PCDH15: variants seen among roughly 807,000 people sequenced by gnomAD.
PCDH15 encodes the protein protocadherin-15.
In PCDH15, 129 loss-of-function variants were observed where a neutral mutation model predicts 178.5. That is an observed-to-expected ratio of 0.72 (90% CI 0.63 to 0.84). The LOEUF is 0.84. Ranked by LOEUF, PCDH15 falls within the 40% of genes least tolerant of loss-of-function variation. The probability of loss-of-function intolerance (pLI) is 0.00; values close to 1 mark genes in which losing one functional copy is unlikely to be tolerated. For missense variants in PCDH15, 2,230 were observed against 2,099.9 expected, an observed-to-expected ratio of 1.06 and a Z score of -1.21; for synonymous variants, 800 against 732.0, an observed-to-expected ratio of 1.09 and a Z score of -1.50.
At chr10:54,173,254 T>A (rs1342757597) in intron 13 of PCDH15, among the ~76,000 whole-genome samples, 1 of 152,216 alleles carries the variant, frequency 6.6e-6, no homozygotes, top group African/African-American at 2.4e-5. Context: ...GTCTAGTAAT[T>A]ACTTAAGGTC....
chr10:55,037,476 C>T lies in PCDH15; in HGVS notation c.-80+129100G>A, dbSNP rs1840766508. Among the ~76,000 whole-genome samples the T allele has an allele frequency of 3.3e-5, 5 of 152,158 alleles. No individual in the cohort carries two copies. The South Asian group carries it at 1.0e-3, about 31-fold the overall frequency. On this transcript the variant is annotated intron_variant, in intron 2 of 5. Coordinates refer to the PCDH15 transcript ENST00000458638. The stretch of plus-strand genomic sequence containing the variant: ...CTCGAACTGCTGACCTCGTGATGCG[C>T]CCATCTCGGACTCCCAAAGTGTTGA...
intron 3 of PCDH15, among the ~76,000 whole-genome samples, chr10:54,826,971 T>C (rs994177239): frequency 2.6e-5 from 4 of 152,060 alleles, no homozygotes; most frequent in Non-Finnish European, 5.9e-5. Flanking sequence ...AGTTGTCTAT[T>C]GAGATGAGAC....
chr10:54,248,434 A>G lies in PCDH15; in HGVS notation c.877-11503T>C, dbSNP rs563881838. ...TAAGACATATCATACTTTTATATCC[A>G]ATAATAAATTCATTCCCTACATTTT... is the stretch of plus-strand genomic sequence containing the variant. On this transcript the variant is annotated intron_variant, in intron 8 of 37. Transcript: ENST00000644397. 1.9e-4 allele frequency among the ~76,000 whole-genome samples: 29 copies of G among 152,136 alleles called. No homozygotes were observed. In the South Asian group the frequency reaches 6.0e-3, roughly 32 times the overall value.
chr10:54,840,037 C>T (rs1953390695), intron 3 of PCDH15, among the ~76,000 whole-genome samples: 1 of 151,990 alleles, frequency 6.6e-6, no homozygotes, highest in South Asian at 2.1e-4. Flanking sequence ...ATTGTACTTG[C>T]CTTATAATAA....
chr10:55,240,971 T>C (rs970482903), intron 1 of PCDH15, among the ~76,000 whole-genome samples: 26 of 152,070 alleles, frequency 1.7e-4, no homozygotes, highest in Non-Finnish European at 3.4e-4. Context: ...AATCCCAGCA[T>C]TTTGGGAGGC....
At chr10:54,690,771 A>G (rs541718419) in intron 1 of PCDH15, among the ~76,000 whole-genome samples, 3 of 152,224 alleles carry the variant, frequency 2.0e-5, no homozygotes, top group Admixed American at 6.5e-5. Flanking sequence ...AATATCATTC[A>G]CCAACTTTTA....
intron 2 of PCDH15, among the ~76,000 whole-genome samples, chr10:55,499,746 A>G (rs948115350): frequency 1.3e-5 from 2 of 151,794 alleles, no homozygotes; most frequent in South Asian, 4.1e-4. Context: ...AAGTTAAAAT[A>G]AAACTCTTCT....
intron 3 of PCDH15, among the ~76,000 whole-genome samples, chr10:54,836,601 TATAA>T (rs1437604068): frequency 2.0e-5 from 3 of 152,082 alleles, no homozygotes; most frequent in African/African-American, 4.8e-5. Flanking sequence ...TTGAAAAAGA[TATAA>T]ATAATCTAGT....
At chr10:55,362,303 A>C (rs1040342254) in intron 2 of PCDH15, among the ~76,000 whole-genome samples, 2 of 152,164 alleles carry the variant, frequency 1.3e-5, no homozygotes, top group African/African-American at 4.8e-5. Context: ...TTAGGAATTC[A>C]TTACAGAAAT....
At chr10:54,393,199 G>A (rs1233914614) in intron 3 of PCDH15, among the ~76,000 whole-genome samples, 1 of 152,126 alleles carries the variant, frequency 6.6e-6, no homozygotes, top group Non-Finnish European at 1.5e-5. Flanking sequence ...GTGGTGGTAT[G>A]AAGTCAAGTA....
chr10:55,067,511 T>C (rs1277068550), intron 2 of PCDH15, among the ~76,000 whole-genome samples: 1 of 152,082 alleles, frequency 6.6e-6, no homozygotes, highest in African/African-American at 2.4e-5. Context: ...TCCATATCTT[T>C]GTTATTGTGA....
chr10:55,391,473 AG>A (rs1837790601), intron 2 of PCDH15, among the ~76,000 whole-genome samples: 1 of 149,786 alleles, frequency 6.7e-6, no homozygotes. Flanking sequence ...CATTCACTAA[AG>A]TAGCAATTTG....
intron 1 of PCDH15, among the ~76,000 whole-genome samples, chr10:55,275,619 T>C (rs567232671): frequency 6.6e-6 from 1 of 152,038 alleles, no homozygotes; most frequent in South Asian, 2.1e-4. Context: ...TTCATTGAAC[T>C]TTTTAATTTA....
intron 2 of PCDH15, among the ~76,000 whole-genome samples, chr10:54,998,894 T>G (rs1839718615): frequency 6.6e-6 from 1 of 152,146 alleles, no homozygotes; most frequent in Non-Finnish European, 1.5e-5. Flanking sequence ...ATCCACAACG[T>G]GTATGTTTTT....
At chr10:54,311,810 A>G (rs1473249839) in intron 8 of PCDH15, among the ~76,000 whole-genome samples, 1 of 152,126 alleles carries the variant, frequency 6.6e-6, no homozygotes, top group African/African-American at 2.4e-5. Flanking sequence ...TTATAAAATC[A>G]GTGTATTTCT....
chr10:54,384,931 C>A (rs1949737537), intron 3 of PCDH15, among the ~76,000 whole-genome samples: 1 of 151,942 alleles, frequency 6.6e-6, no homozygotes, highest in Non-Finnish European at 1.5e-5. Context: ...GGACAACAAA[C>A]AATTATATAA....
At chr10:54,077,007 G>C (rs1001222734) in intron 17 of PCDH15, among the ~76,000 whole-genome samples, 1 of 152,058 alleles carries the variant, frequency 6.6e-6, no homozygotes, top group Non-Finnish European at 1.5e-5. Flanking sequence ...GTGCTATTAA[G>C]ACGTGAGAAT....
chr10:54,528,288 A>T, intron 2 of PCDH15: 1 of 1,139,382 alleles, frequency 8.8e-7, no homozygotes, highest in Non-Finnish European at 1.3e-6. Flanking sequence ...CTAATTAGAG[A>T]GAGTGAATAG....
At chr10:53,895,629 C>T (rs1363686549) in intron 26 of PCDH15, among the ~76,000 whole-genome samples, 15 of 152,108 alleles carry the variant, frequency 9.9e-5, no homozygotes, top group Admixed American at 9.8e-4. Flanking sequence ...TAATCTTGAT[C>T]ACATTTAACA....
Sources: gnomAD v4.1 joint callset for allele counts (sites outside exome capture counted in the v4.1 genomes callset) on GRCh38, gnomAD v4.1.1 for gene constraint, MANE v1.5 for transcripts, NCBI Gene and HGNC (gene_info 2026-07-23, HGNC 2026-07-21) for gene names.